DIPK1C: variants seen among roughly 807,000 people sequenced by gnomAD.
DIPK1C encodes the protein familial non-conventional Alzheimer's dementia.
Under a neutral mutation model 28.0 loss-of-function variants are expected in DIPK1C, and 33 were observed. The observed-to-expected ratio is 1.18, with a 90% CI of 0.89 to 1.58. The LOEUF (loss-of-function observed/expected upper bound fraction) is 1.58, where lower values mean the gene tolerates loss of function less well. DIPK1C is among the 40% of genes most tolerant of loss of function. The pLI, the probability that DIPK1C is intolerant of heterozygous loss-of-function variation, is 0.00. For synonymous variants in DIPK1C, 255 were observed against 248.8 expected, an observed-to-expected ratio of 1.02 and a Z score of -0.23; for missense variants, 569 against 568.5, an observed-to-expected ratio of 1.00 and a Z score of -0.01.
rs1346131409 is a variant in DIPK1C at position 74,434,891 on chromosome 18, C to G, written c.*1610G>C. ...TCTTCATGTCCATGATGAGGAGGCC[C>G]TCTATGGAACTCTGTGTCATTTGGA... On this transcript the variant is annotated 3_prime_UTR_variant, in exon 4 of 4. Coordinates refer to ENST00000343998, the MANE Select transcript of DIPK1C (RefSeq NM_001044369.3). The G allele has an allele frequency of 6.6e-6, 1 of 152,208 alleles. No individual in the cohort carries two copies. The highest frequency in any genetic ancestry group is 2.4e-5 in the African/African-American group (1 of 41,450). 9.4% of individuals were successfully genotyped at this position (152,208 alleles called of 1,614,324 possible).
intron 1 of DIPK1C, among the ~76,000 whole-genome samples, chr18:74,449,713 C>T (rs1986356026): frequency 6.6e-6 from 1 of 152,174 alleles, no homozygotes; most frequent in South Asian, 2.1e-4. Context: ...CTAGTGACAC[C>T]ACCCTATTTG....
intron 3 of DIPK1C, among the ~76,000 whole-genome samples, chr18:74,440,771 C>T (rs1272963207): frequency 2.6e-5 from 4 of 152,192 alleles, no homozygotes; most frequent in Admixed American, 6.5e-5. Context: ...GGGTTGGGAT[C>T]GCAAGGCGGT....
At chr18:74,457,692 G>A (rs2144535654), upstream of DIPK1C, 1 of 149,960 alleles carries the variant, frequency 6.7e-6, no homozygotes, top group South Asian at 2.1e-4. Context: ...GCTCTGTAGA[G>A]CGCACCCTCG....
chr18:74,446,469 T>G, intron 2 of DIPK1C, 137 bp downstream of exon 2: 1 of 730,216 alleles, frequency 1.4e-6, no homozygotes, highest in Non-Finnish European at 2.0e-6. Flanking sequence ...TTCTGGTAGG[T>G]GGGAGTTCTC....
Position 74,442,168 on chromosome 18 carries a change from G to A in DIPK1C, c.877-52C>T. The A allele has an allele frequency of 1.9e-6, 3 of 1,602,970 alleles. No individual in the cohort carries two copies. In the South Asian group the frequency reaches 3.3e-5, roughly 18 times the overall value. On this transcript the variant is annotated intron_variant, in intron 2 of 3. Coordinates refer to ENST00000343998, the MANE Select transcript of DIPK1C (RefSeq NM_001044369.3). ...CAAAGGGCTACTGGTGGGCTCTGCA[G>A]AGAGGGAGCCTGTTCACAACTTCTG...
At chr18:74,438,062 T>C (rs1364677684) in intron 3 of DIPK1C, among the ~76,000 whole-genome samples, 1 of 152,138 alleles carries the variant, frequency 6.6e-6, no homozygotes, top group Non-Finnish European at 1.5e-5. Flanking sequence ...TGGCTAGTTT[T>C]TGTATATTTT....
At chr18:74,457,362 C>G (rs559703932), upstream of DIPK1C, 36 of 865,894 alleles carry the variant, frequency 4.2e-5, no homozygotes, top group Non-Finnish European at 4.6e-5. Context: ...GGAGGGGGAA[C>G]GGGGGAGGGG....
chr18:74,456,913 G>T, intron 1 of DIPK1C, 149 bp downstream of exon 1: 1 of 836,330 alleles, frequency 1.2e-6, no homozygotes, highest in Non-Finnish European at 1.6e-6. Flanking sequence ...CGGGGCGTGC[G>T]CCTCTGGCAC....
At chr18:74,457,013 C>A in intron 1 of DIPK1C, 49 bp downstream of exon 1, 1 of 1,365,204 alleles carries the variant, frequency 7.3e-7, no homozygotes, top group South Asian at 1.6e-5. Flanking sequence ...CGGGTGTGAT[C>A]CCCCCTCCCC....
chr18:74,443,060 T>C (rs147951114), intron 2 of DIPK1C, among the ~76,000 whole-genome samples: 374 of 152,228 alleles, frequency 2.5e-3, no homozygotes, highest in African/African-American at 8.4e-3. Context: ...AATATCAAAG[T>C]TATCGAATTA....
At chr18:74,460,123 G>A (rs1308344002), upstream of DIPK1C, among the ~76,000 whole-genome samples, 1 of 152,192 alleles carries the variant, frequency 6.6e-6, no homozygotes, top group Non-Finnish European at 1.5e-5. Context: ...TGCTGAAGGG[G>A]AGGCCAGCCC....
At chr18:74,448,523 A>G (rs1293278725) in intron 1 of DIPK1C, among the ~76,000 whole-genome samples, 1 of 152,180 alleles carries the variant, frequency 6.6e-6, no homozygotes, top group Non-Finnish European at 1.5e-5. Context: ...TCCATGGTCT[A>G]ACCACGCTGC....
chr18:74,455,326 TA>T (rs1346840688), intron 1 of DIPK1C, among the ~76,000 whole-genome samples: 8 of 152,186 alleles, frequency 5.3e-5, no homozygotes, highest in African/African-American at 1.9e-4. Flanking sequence ...ATTACTACAT[TA>T]AATTTGTAAA....
chr18:74,462,723 T>A (rs1277790163), upstream of DIPK1C, among the ~76,000 whole-genome samples: 2 of 152,038 alleles, frequency 1.3e-5, no homozygotes, highest in African/African-American at 4.8e-5. Context: ...CATTTGACAT[T>A]CCTATCAGCC....
upstream of DIPK1C, among the ~76,000 whole-genome samples, chr18:74,460,336 C>T (rs940061194): frequency 2.6e-5 from 4 of 152,172 alleles, no homozygotes; most frequent in Admixed American, 6.5e-5. Flanking sequence ...CATTATGTTC[C>T]GTGTGATTCC....
At chr18:74,456,933 G>T in intron 1 of DIPK1C, 129 bp downstream of exon 1, 2 of 1,002,620 alleles carry the variant, frequency 2.0e-6, no homozygotes, top group Non-Finnish European at 2.6e-6. Context: ...CTCCACGCAG[G>T]TGTCGGGAAC....
chr18:74,454,431 C>A (rs546455104), intron 1 of DIPK1C, among the ~76,000 whole-genome samples: 1 of 152,202 alleles, frequency 6.6e-6, no homozygotes, highest in Non-Finnish European at 1.5e-5. Flanking sequence ...CAACGCCCCC[C>A]GCCAGGCGAG....
At chr18:74,460,442 G>A (rs1986599257), upstream of DIPK1C, among the ~76,000 whole-genome samples, 1 of 152,200 alleles carries the variant, frequency 6.6e-6, no homozygotes. Context: ...GTATGAAAAT[G>A]TTGCTAGTGT....
intron 3 of DIPK1C, 50 bp from the exon 4 acceptor site, chr18:74,436,769 A>G: frequency 6.7e-7 from 1 of 1,493,344 alleles, no homozygotes; most frequent in Non-Finnish European, 9.0e-7. Context: ...AATCCTCCTA[A>G]AAGCTTCCCA....
Sources: gnomAD v4.1 joint callset for allele counts (sites outside exome capture counted in the v4.1 genomes callset) on GRCh38, gnomAD v4.1.1 for gene constraint, MANE v1.5 for transcripts, NCBI Gene and HGNC (gene_info 2026-07-23, HGNC 2026-07-21) for gene names.